RBFOX1: variants seen among roughly 807,000 people sequenced by gnomAD.
RBFOX1 encodes the protein RNA binding fox-1 homolog 1.
In RBFOX1, 8 loss-of-function variants were observed where a neutral mutation model predicts 57.7. The ratio of observed to expected loss-of-function variants is 0.14; its 90% confidence interval spans 0.08 to 0.25. RBFOX1 has a LOEUF of 0.25. RBFOX1 is among the 10% of genes least tolerant of loss of function. The pLI, the probability that RBFOX1 is intolerant of heterozygous loss-of-function variation, is 1.00. For missense variants in RBFOX1, 611 were observed against 548.5 expected, an observed-to-expected ratio of 1.11 and a Z score of -1.14; for synonymous variants, 326 against 222.4, an observed-to-expected ratio of 1.47 and a Z score of -4.15.
intron 3 of RBFOX1, among the ~76,000 whole-genome samples, chr16:5,833,265 A>G (rs1269867116): frequency 1.3e-5 from 2 of 152,130 alleles, no homozygotes; most frequent in African/African-American, 4.8e-5. Flanking sequence ...AGGCTGAGGC[A>G]GGTGGATCAT....
intron 4 of RBFOX1, among the ~76,000 whole-genome samples, chr16:5,925,532 G>C (rs1279494291): frequency 6.6e-6 from 1 of 152,156 alleles, no homozygotes; most frequent in African/African-American, 2.4e-5. Flanking sequence ...CATGATTAGT[G>C]GTTGAACAGG....
intron 1 of RBFOX1, among the ~76,000 whole-genome samples, chr16:6,112,151 C>A (rs529977854): frequency 6.6e-6 from 1 of 152,260 alleles, no homozygotes; most frequent in South Asian, 2.1e-4. Context: ...GCCAATTAAC[C>A]ATTAAGTTCT....
intron 4 of RBFOX1, among the ~76,000 whole-genome samples, chr16:7,464,932 C>T (rs888087654): frequency 2.6e-5 from 4 of 151,896 alleles, no homozygotes; most frequent in Admixed American, 6.6e-5. Flanking sequence ...TTCTTGACCT[C>T]GTGATCAGTC....
At chr16:7,433,416 G>C (rs964975699) in intron 4 of RBFOX1, among the ~76,000 whole-genome samples, 1 of 152,150 alleles carries the variant, frequency 6.6e-6, no homozygotes, top group Non-Finnish European at 1.5e-5. Flanking sequence ...TTGTTCTAAG[G>C]AACTTCAAGT....
intron 2 of RBFOX1, among the ~76,000 whole-genome samples, chr16:5,581,364 ACT>A (rs1383275842): frequency 6.6e-6 from 1 of 151,740 alleles, no homozygotes; most frequent in African/African-American, 2.4e-5. Flanking sequence ...GTAATTAAAC[ACT>A]CTTTTGTCCA....
At chr16:6,492,975 G>C (rs1429847216) in intron 2 of RBFOX1, among the ~76,000 whole-genome samples, 1 of 152,186 alleles carries the variant, frequency 6.6e-6, no homozygotes, top group South Asian at 2.1e-4. Context: ...GACTAAGAGA[G>C]GGGCAGGGAA....
intron 3 of RBFOX1, among the ~76,000 whole-genome samples, chr16:6,839,398 C>T (rs192489401): frequency 6.6e-6 from 1 of 152,240 alleles, no homozygotes; most frequent in Non-Finnish European, 1.5e-5. Context: ...AGCTGCGTCA[C>T]TGCTGTGGAA....
At chr16:6,347,860 C>T (rs943569800) in intron 2 of RBFOX1, among the ~76,000 whole-genome samples, 1 of 152,222 alleles carries the variant, frequency 6.6e-6, no homozygotes, top group African/African-American at 2.4e-5. Context: ...AATTAATCAA[C>T]ACCATTTAGT....
chr16:6,652,089 G>A (rs867519021), intron 2 of RBFOX1, among the ~76,000 whole-genome samples: 1 of 152,172 alleles, frequency 6.6e-6, no homozygotes. Context: ...TAGTCCTTTA[G>A]GGAGGTAATT....
At chr16:6,269,489 G>A (rs957429085) in intron 1 of RBFOX1, among the ~76,000 whole-genome samples, 3 of 152,110 alleles carry the variant, frequency 2.0e-5, no homozygotes, top group South Asian at 2.1e-4. Context: ...TGGAAGTAAC[G>A]AGAGTAAAAT....
intron 2 of RBFOX1, among the ~76,000 whole-genome samples, chr16:6,564,438 C>T (rs2097227593): frequency 6.6e-6 from 1 of 151,520 alleles, no homozygotes; most frequent in Admixed American, 6.6e-5. Flanking sequence ...CCAGCCTGGG[C>T]AACAGAGTGA....
At chr16:6,561,337 A>G (rs555297757) in intron 2 of RBFOX1, among the ~76,000 whole-genome samples, 121 of 152,310 alleles carry the variant, frequency 7.9e-4, no homozygotes, top group African/African-American at 2.5e-3. Flanking sequence ...TCCGTAATAC[A>G]TATTTACCTG....
chr16:6,002,271 G>T (rs879372405), intron 4 of RBFOX1, among the ~76,000 whole-genome samples: 1 of 152,122 alleles, frequency 6.6e-6, no homozygotes, highest in Non-Finnish European at 1.5e-5. Flanking sequence ...GCGACCGCTC[G>T]TGGCTACCAT....
chr16:5,286,454 T>G (rs942112620), intron 1 of RBFOX1, among the ~76,000 whole-genome samples: 1 of 152,180 alleles, frequency 6.6e-6, no homozygotes, highest in Non-Finnish European at 1.5e-5. Context: ...GGAGTCAGTC[T>G]CCAGGCCCCC....
chr16:5,545,863 G>T (rs1806190229), intron 2 of RBFOX1, among the ~76,000 whole-genome samples: 1 of 152,012 alleles, frequency 6.6e-6, no homozygotes, highest in Admixed American at 6.6e-5. Context: ...ATAAAACCCA[G>T]AAAGTAAAGG....
chr16:6,258,969 A>T (rs373121190), intron 1 of RBFOX1, among the ~76,000 whole-genome samples: 1 of 152,222 alleles, frequency 6.6e-6, no homozygotes, highest in African/African-American at 2.4e-5. Context: ...TTCCGAGTTC[A>T]TTTACAACAT....
At chr16:7,455,785 C>CAAAAAAAAA (rs369544031) in intron 4 of RBFOX1, among the ~76,000 whole-genome samples, 28 of 82,038 alleles carry the variant, frequency 3.4e-4, no homozygotes, top group Admixed American at 7.1e-4. Flanking sequence ...GACTCCATCT[C>CAAAAAAAAA]AAAAAAAAAA....
In RBFOX1 at chr16:5,856,604, T is replaced by TATAA. The variant is rs776623035; in HGVS notation, c.319-10698_319-10697insTAAA. Among the ~76,000 whole-genome samples, 142 of 68,076 alleles carry TATAA rather than the reference T, an allele frequency of 2.1e-3. 18 individuals carry two copies. Among genetic ancestry groups the TATAA allele is most frequent in the South Asian group, 3.6e-3 (6 of 1,668 alleles). The allele number at this position is 68,076 out of a possible 152,430, so 44.7% of individuals were successfully genotyped here. A position where few individuals can be genotyped will look rare whatever the true frequency, so the allele number is the denominator to read the frequency against. On this transcript the variant is annotated intron_variant, in intron 3 of 19. Coordinates refer to the RBFOX1 transcript ENST00000641259. The stretch of plus-strand genomic sequence containing the variant: ...ATATATATATATATATATATATATA[T>TATAA]AATCTTAGCCAGATCTTCTGGATAA...
intron 6 of RBFOX1, among the ~76,000 whole-genome samples, chr16:7,586,472 G>C (rs2094133244): frequency 6.6e-6 from 1 of 152,038 alleles, no homozygotes; most frequent in African/African-American, 2.4e-5. Context: ...CGTTGAATTT[G>C]AAGTTCAAAT....
Sources: gnomAD v4.1 joint callset for allele counts (sites outside exome capture counted in the v4.1 genomes callset) on GRCh38, gnomAD v4.1.1 for gene constraint, MANE v1.5 for transcripts, NCBI Gene and HGNC (gene_info 2026-07-23, HGNC 2026-07-21) for gene names.